Variants in CACNB4 observed in about 807,000 individuals in gnomAD.
CACNB4 encodes voltage-dependent L-type calcium channel subunit beta-4.
A neutral mutation model predicts 71.2 loss-of-function variants in CACNB4; 32 were observed. The ratio of observed to expected loss-of-function variants is 0.45; its 90% confidence interval spans 0.34 to 0.60. The LOEUF is 0.60. Among genes scored for constraint, CACNB4 ranks in the 20% least tolerant of loss-of-function variants. The pLI, the probability that CACNB4 is intolerant of heterozygous loss-of-function variation, is 0.01. For synonymous variants in CACNB4, 231 were observed against 236.9 expected, an observed-to-expected ratio of 0.97 and a Z score of 0.23; for missense variants, 464 against 647.9, an observed-to-expected ratio of 0.72 and a Z score of 3.08.
intron 2 of CACNB4, among the ~76,000 whole-genome samples, chr2:152,052,836 G>A (rs1240794837): frequency 6.6e-6 from 1 of 151,978 alleles, no homozygotes; most frequent in African/African-American, 2.4e-5. Flanking sequence ...AAAAAAATTG[G>A]CTGGGCGTGG....
At chr2:152,041,560 T>A (rs964569144) in intron 2 of CACNB4, among the ~76,000 whole-genome samples, 11 of 152,186 alleles carry the variant, frequency 7.2e-5, no homozygotes, top group African/African-American at 2.7e-4. Flanking sequence ...ACTAAAATCA[T>A]TACCATGAAA....
intron 2 of CACNB4, among the ~76,000 whole-genome samples, chr2:151,988,279 C>G (rs1350555540): frequency 6.7e-6 from 1 of 148,158 alleles, no homozygotes; most frequent in Non-Finnish European, 1.5e-5. Flanking sequence ...AAATTTCTCT[C>G]TCAGTTGTTC....
chr2:151,949,344 C>T (rs1411253060), intron 2 of CACNB4, among the ~76,000 whole-genome samples: 1 of 151,892 alleles, frequency 6.6e-6, no homozygotes, highest in Non-Finnish European at 1.5e-5. Context: ...CCTGCCCTTA[C>T]GGAGCCTAGT....
chr2:152,093,090 C>A (rs905019446), intron 2 of CACNB4, among the ~76,000 whole-genome samples: 1 of 152,012 alleles, frequency 6.6e-6, no homozygotes, highest in African/African-American at 2.4e-5. Context: ...GGATGAGGGC[C>A]CCAATGTACA....
At chr2:151,963,964 G>A (rs1015793319) in intron 2 of CACNB4, among the ~76,000 whole-genome samples, 3 of 151,462 alleles carry the variant, frequency 2.0e-5, no homozygotes, top group African/African-American at 7.3e-5. Context: ...AGCTACTCAG[G>A]AGGCTGAGGC....
intron 2 of CACNB4, among the ~76,000 whole-genome samples, chr2:151,920,192 C>A (rs1245850780): frequency 9.9e-5 from 15 of 151,822 alleles, no homozygotes; most frequent in Admixed American, 9.8e-4. Flanking sequence ...ATTTCTATTT[C>A]TATTGTAATA....
chr2:151,893,009 T>A (rs937026723), intron 2 of CACNB4, among the ~76,000 whole-genome samples: 3 of 152,140 alleles, frequency 2.0e-5, no homozygotes, highest in Non-Finnish European at 2.9e-5. Context: ...AAAGGAAGAA[T>A]AAAAGAGAAT....
At chr2:152,090,457 C>G (rs539448800) in intron 2 of CACNB4, among the ~76,000 whole-genome samples, 1 of 152,084 alleles carries the variant, frequency 6.6e-6, no homozygotes, top group Admixed American at 6.5e-5. Context: ...AGTTCGAGAC[C>G]AGCCTGACCA....
chr2:152,007,984 C>G (rs1682827550), intron 2 of CACNB4, among the ~76,000 whole-genome samples: 1 of 152,012 alleles, frequency 6.6e-6, no homozygotes, highest in Non-Finnish European at 1.5e-5. Flanking sequence ...GTTGGCCAGG[C>G]TGGTCTTGAA....
At chr2:152,024,085 T>G (rs1683831046) in intron 2 of CACNB4, among the ~76,000 whole-genome samples, 1 of 152,234 alleles carries the variant, frequency 6.6e-6, no homozygotes, top group South Asian at 2.1e-4. Flanking sequence ...TTTGGGAGGC[T>G]GAAGGAGGAG....
intron 2 of CACNB4, among the ~76,000 whole-genome samples, chr2:151,948,671 A>C (rs1033740357): frequency 6.6e-6 from 1 of 151,270 alleles, no homozygotes; most frequent in African/African-American, 2.4e-5. Flanking sequence ...AAAAAAAAAG[A>C]AAAAAAGTCT....
intron 2 of CACNB4, chr2:151,971,988 T>C (rs2099872669): frequency 1.1e-5 from 2 of 180,478 alleles, no homozygotes; most frequent in Non-Finnish European, 2.3e-5. Flanking sequence ...CATCAACTAC[T>C]GCCACCGAGT....
chr2:151,934,831 A>G (rs992492867), intron 2 of CACNB4, among the ~76,000 whole-genome samples: 6 of 152,182 alleles, frequency 3.9e-5, no homozygotes, highest in African/African-American at 1.4e-4. Context: ...GTGAGACTCC[A>G]TCTCAAAAAA....
At chr2:152,008,019 G>A (rs576911475) in intron 2 of CACNB4, among the ~76,000 whole-genome samples, 2 of 151,768 alleles carry the variant, frequency 1.3e-5, no homozygotes, top group South Asian at 2.1e-4. Context: ...TGATCTGCCC[G>A]CCTCAGCCTC....
intron 2 of CACNB4, among the ~76,000 whole-genome samples, chr2:152,030,995 G>A (rs1385604877): frequency 1.3e-5 from 2 of 152,186 alleles, no homozygotes; most frequent in Non-Finnish European, 1.5e-5. Flanking sequence ...AGCAGTAACA[G>A]GGAAGTGGAT....
chr2:151,889,410 G>C (rs1469595079), intron 2 of CACNB4, among the ~76,000 whole-genome samples: 1 of 148,062 alleles, frequency 6.8e-6, no homozygotes, highest in Non-Finnish European at 1.5e-5. Flanking sequence ...AGGTTGCAGT[G>C]AGCCGAGATT....
At chr2:151,967,916 CTA>C (rs1367215292) in intron 2 of CACNB4, 1 of 152,020 alleles carries the variant, frequency 6.6e-6, no homozygotes, top group Non-Finnish European at 1.5e-5. Flanking sequence ...ATATTTATAA[CTA>C]AAACTATATA....
At position 151,832,904 on chromosome 2, in the gene CACNB4, T is replaced by C. The variant is rs2099834120; in HGVS notation, c.*6215A>G. 1 of 152,226 alleles carries C rather than the reference T, an allele frequency of 6.6e-6. No individual in the cohort carries two copies. Among genetic ancestry groups the C allele is most frequent in the Non-Finnish European group, 1.5e-5 (1 of 68,024 alleles). 9.4% of individuals were successfully genotyped at this position (152,226 alleles called of 1,614,324 possible). On this transcript the variant is annotated 3_prime_UTR_variant, in exon 14 of 14. Coordinates refer to ENST00000539935, the MANE Select transcript of CACNB4 (RefSeq NM_000726.5). The stretch of plus-strand genomic sequence containing the variant: ...ATGCACTCTGCATTTTCTTTGTTAA[T>C]GTTTTTATTCACAAAAATAACACCA...
At chr2:152,095,047 T>A (rs760179668) in intron 2 of CACNB4, among the ~76,000 whole-genome samples, 12 of 152,250 alleles carry the variant, frequency 7.9e-5, no homozygotes, top group Admixed American at 2.6e-4. Context: ...TCTGGGTCAC[T>A]CCTAGCTTTC....
Sources: gnomAD v4.1 joint callset for allele counts (sites outside exome capture counted in the v4.1 genomes callset) on GRCh38, gnomAD v4.1.1 for gene constraint, MANE v1.5 for transcripts, NCBI Gene and HGNC (gene_info 2026-07-23, HGNC 2026-07-21) for gene names.